Variants in RAPGEF1 observed in about 807,000 individuals in gnomAD.
RAPGEF1 encodes CRK SH3-binding GNRP.
Under a neutral mutation model 143.3 loss-of-function variants are expected in RAPGEF1, and 33 were observed. That is an observed-to-expected ratio of 0.23 (90% CI 0.17 to 0.31). The LOEUF is 0.31. Among genes scored for constraint, RAPGEF1 ranks in the 10% least tolerant of loss-of-function variants. The pLI, the probability that RAPGEF1 is intolerant of heterozygous loss-of-function variation, is 1.00. For missense variants in RAPGEF1, 1,199 were observed against 1,645.4 expected (o/e 0.73, Z 4.69); for synonymous variants, 629 against 676.5 (o/e 0.93, Z 1.09).
chr9:131,703,791 T>G (rs1180963813), intron 1 of RAPGEF1, among the ~76,000 whole-genome samples: 1 of 152,226 alleles, frequency 6.6e-6, no homozygotes, highest in Non-Finnish European at 1.5e-5. Context: ...TGACCACTGC[T>G]GATGGTCATT....
intron 1 of RAPGEF1, among the ~76,000 whole-genome samples, chr9:131,671,315 G>A (rs1365143341): frequency 6.6e-6 from 1 of 152,252 alleles, no homozygotes; most frequent in Non-Finnish European, 1.5e-5. Context: ...ATCTCAGCCC[G>A]CCAGGGAGGA....
intron 15 of RAPGEF1, chr9:131,598,600 T>G (rs768648745): frequency 7.5e-6 from 4 of 536,422 alleles, no homozygotes; most frequent in Non-Finnish European, 1.4e-5. Context: ...AGCCACTCCC[T>G]GCCAAGGCCC....
At chr9:131,594,023 G>A (rs1306490561) in intron 17 of RAPGEF1, among the ~76,000 whole-genome samples, 2 of 152,206 alleles carry the variant, frequency 1.3e-5, no homozygotes, top group Non-Finnish European at 2.9e-5. Context: ...CAAGGACAGA[G>A]TCCTGTTACC....
In RAPGEF1 at chr9:131,599,306, G is replaced by A. The variant is rs142057436; in HGVS notation, c.2502-996C>T. Reference sequence around the variant, plus strand: ...TGCCTGGATAATTCTGTTCATTGTAGGGATGAGGTCTCACTATGTAGCTCA... The same window carrying A: ...TGCCTGGATAATTCTGTTCATTGTAAGGATGAGGTCTCACTATGTAGCTCA... On this transcript the variant is annotated intron_variant, in intron 15 of 26. Coordinates refer to ENST00000683357, the MANE Select transcript of RAPGEF1 (RefSeq NM_001377935.1). Among the ~76,000 whole-genome samples, 5 of 151,876 alleles carry A rather than the reference G, an allele frequency of 3.3e-5. No individual in the cohort carries two copies. In the East Asian group the frequency reaches 9.7e-4, roughly 29 times the overall value.
At chr9:131,723,797 T>G (rs1836440500) in intron 1 of RAPGEF1, among the ~76,000 whole-genome samples, 1 of 152,162 alleles carries the variant, frequency 6.6e-6, no homozygotes, top group Non-Finnish European at 1.5e-5. Context: ...CACCCATAGG[T>G]ATATACTTTG....
intron 22 of RAPGEF1, among the ~76,000 whole-genome samples, chr9:131,585,348 T>C (rs1257703592): frequency 7.8e-6 from 1 of 128,996 alleles, no homozygotes; most frequent in Non-Finnish European, 1.7e-5. Flanking sequence ...TCTTGGCTAA[T>C]TTTAATTTTT....
At chr9:131,694,388 A>T (rs968208627) in intron 1 of RAPGEF1, among the ~76,000 whole-genome samples, 3 of 152,214 alleles carry the variant, frequency 2.0e-5, no homozygotes, top group African/African-American at 7.2e-5. Context: ...CTGAACAAAT[A>T]GTCACAGAGT....
At chr9:131,678,136 A>C (rs1832589764) in intron 1 of RAPGEF1, among the ~76,000 whole-genome samples, 1 of 152,370 alleles carries the variant, frequency 6.6e-6, no homozygotes, top group East Asian at 1.9e-4. Context: ...TTTAGAAAAC[A>C]CTAAGCACAC....
intron 1 of RAPGEF1, among the ~76,000 whole-genome samples, chr9:131,736,557 T>G (rs1000681245): frequency 6.6e-6 from 1 of 152,124 alleles, no homozygotes; most frequent in African/African-American, 2.4e-5. Flanking sequence ...AAAGAAAATG[T>G]CCCAAAGAAC....
chr9:131,733,357 GGCGGGGGCGGGGGGGGGGGTGGT>G (rs1022152020), intron 1 of RAPGEF1, among the ~76,000 whole-genome samples: 1 of 76,568 alleles, frequency 1.3e-5, no homozygotes, highest in Non-Finnish European at 3.2e-5. Context: ...AAAAAGCCGG[GGCGGGGGCGGGGGGGGGGGTGGT>G]GCGGGGTTGG....
At chr9:131,721,707 A>C (rs1836277605) in intron 1 of RAPGEF1, among the ~76,000 whole-genome samples, 1 of 144,862 alleles carries the variant, frequency 6.9e-6, no homozygotes, top group Non-Finnish European at 1.5e-5. Context: ...AACCTCAGGC[A>C]AAAAAAAAAA....
Position 131,621,847 on chromosome 9 carries a change from G to A in RAPGEF1, c.1854C>T (p.Ser618=), listed in dbSNP as rs758302661. 11 of 1,611,216 alleles carry A rather than the reference G, an allele frequency of 6.8e-6. No individual in the cohort carries two copies. Among genetic ancestry groups the A allele is most frequent in the African/African-American group, 4.0e-5 (3 of 74,868 alleles). Residue 618 remains serine (S), a synonymous_variant, in exon 11 of 27, where the codon TCC becomes TCT. Transcript: ENST00000683357. This position sits in a 1 kb window ranked among gnomAD's most constrained non-coding sequence, Gnocchi z 4.5. ...CGGGCGGCGGGGCCAGCTCCTGCACGGAGTCCACCCCACTGAAGGAGTCGC... is the reference window on the plus strand; with the variant it reads ...CGGGCGGCGGGGCCAGCTCCTGCACAGAGTCCACCCCACTGAAGGAGTCGC... The part of the protein sequence containing the change: ...GFSDSFSGVD[S]VQELAPPPAL...
At position 131,579,374 on chromosome 9, in the gene RAPGEF1, G is replaced by A. The variant is rs1363825511; in HGVS notation, c.*123C>T. 1.5e-6 allele frequency: 2 copies of A among 1,374,516 alleles called. No homozygotes were observed. The highest frequency in any genetic ancestry group is 1.5e-5 in the African/African-American group (1 of 68,706). The allele number at this position is 1,374,516 out of a possible 1,614,324, so 85.1% of individuals were successfully genotyped here. The stretch of plus-strand genomic sequence containing the variant: ...CTCCCGCCCGGCCCCGCTGAGGGCT[G>A]GCCAGCCTCATGGCTCCGAGGCCGG... On this transcript the variant is annotated 3_prime_UTR_variant, in exon 27 of 27. Coordinates refer to ENST00000683357, the MANE Select transcript of RAPGEF1 (RefSeq NM_001377935.1).
intron 3 of RAPGEF1, among the ~76,000 whole-genome samples, chr9:131,645,227 G>A (rs1303660732): frequency 2.0e-5 from 3 of 152,222 alleles, no homozygotes; most frequent in Admixed American, 6.5e-5. Context: ...GACCTCAGAT[G>A]TGCCTAAAGC....
At chr9:131,600,674 G>A (rs1956120487) in intron 15 of RAPGEF1, among the ~76,000 whole-genome samples, 2 of 152,218 alleles carry the variant, frequency 1.3e-5, no homozygotes, top group African/African-American at 4.8e-5. Context: ...CCCAGAGGTG[G>A]CTAAAGCTTG....
intron 5 of RAPGEF1, among the ~76,000 whole-genome samples, chr9:131,630,805 T>A (rs1964636676): frequency 6.6e-6 from 1 of 152,082 alleles, no homozygotes; most frequent in African/African-American, 2.4e-5. Context: ...CTGGGATCCT[T>A]GTCAATGGAG....
At chr9:131,666,005 C>T (rs905810345) in intron 1 of RAPGEF1, among the ~76,000 whole-genome samples, 2 of 152,180 alleles carry the variant, frequency 1.3e-5, no homozygotes, top group Non-Finnish European at 1.5e-5. Context: ...CAATAACTGA[C>T]ACATCATAAA....
At chr9:131,615,102 TTG>T (rs1958720410) in intron 12 of RAPGEF1, among the ~76,000 whole-genome samples, 1 of 152,204 alleles carries the variant, frequency 6.6e-6, no homozygotes, top group Non-Finnish European at 1.5e-5. Flanking sequence ...AGACGGAGTC[TTG>T]CTCTGTTGCC....
chr9:131,633,297 G>T (rs1460810631), intron 5 of RAPGEF1, among the ~76,000 whole-genome samples: 1 of 152,180 alleles, frequency 6.6e-6, no homozygotes, highest in Non-Finnish European at 1.5e-5. Context: ...CTACCGCCTG[G>T]AGGAGGGAGG....
Sources: gnomAD v4.1 joint callset for allele counts (sites outside exome capture counted in the v4.1 genomes callset) on GRCh38, gnomAD v4.1.1 for gene constraint, Gnocchi (gnomAD v3.1) non-coding constraint, MANE v1.5 for transcripts, NCBI Gene and HGNC (gene_info 2026-07-23, HGNC 2026-07-21) for gene names.